PSMA7: variants seen among roughly 807,000 people sequenced by gnomAD.
PSMA7 encodes proteasome subunit alpha type-7.
A neutral mutation model predicts 31.3 loss-of-function variants in PSMA7; 5 were observed. That is an observed-to-expected ratio of 0.16 (90% CI 0.08 to 0.34). PSMA7 has a LOEUF of 0.34. Among genes scored for constraint, PSMA7 ranks in the 10% least tolerant of loss-of-function variants. The pLI is 1.00. For missense variants in PSMA7, 217 were observed against 327.5 expected (o/e 0.66, Z 2.60); for synonymous variants, 155 against 121.9 (o/e 1.27, Z -1.79).
In PSMA7 at chr20:62,139,087, G is replaced by A; in HGVS notation, c.459C>T (p.Tyr153=). Residue 153 remains tyrosine (Y), a synonymous_variant, in exon 4 of 7, where the codon TAC becomes TAT. Coordinates refer to ENST00000370873, the MANE Select transcript of PSMA7 (RefSeq NM_002792.4). ...RLYQTDPSGT[Y]HAWKANAIGR... is the part of the protein sequence containing the mutation. The stretch of plus-strand genomic sequence containing the variant: ...GTCACGAACTCACCTTCCAGGCATG[G>A]TATGTGCCCGAGGGGTCAGTCTGAT... 2 of 1,614,054 alleles carry A rather than the reference G, an allele frequency of 1.2e-6. No homozygotes were observed. Among genetic ancestry groups the A allele is most frequent in the South Asian group, 2.2e-5 (2 of 91,086 alleles).
Position 62,138,282 on chromosome 20 carries a change from G to C in PSMA7, c.480C>G (p.Ala160=), listed in dbSNP as rs376408302. The change falls in exon 5 of 7, where the codon GCC becomes GCG. Residue 160 remains alanine (A), a synonymous_variant. Coordinates refer to ENST00000370873, the MANE Select transcript of PSMA7 (RefSeq NM_002792.4). The part of the protein sequence containing the change: ...SGTYHAWKAN[A]IGRGAKSVRE... Reference sequence around the variant, plus strand: ...GCACTGACTTGGCACCCCGACCTATGGCATTGGCCTAAAACAGACACGTAT... The same window carrying C: ...GCACTGACTTGGCACCCCGACCTATCGCATTGGCCTAAAACAGACACGTAT... The C allele has an allele frequency of 2.7e-5, 43 of 1,608,556 alleles. No individual in the cohort carries two copies. Among genetic ancestry groups the C allele is most frequent in the Non-Finnish European group, 3.6e-5 (42 of 1,176,818 alleles).
In PSMA7 at chr20:62,138,160, T is replaced by C; in HGVS notation, c.591+11A>G. The C allele has an allele frequency of 6.2e-7, 1 of 1,614,164 alleles. No homozygotes were observed. The highest frequency in any genetic ancestry group is 8.5e-7 in the Non-Finnish European group (1 of 1,179,962). On this transcript the variant is annotated intron_variant, in intron 5 of 6. Transcript: ENST00000370873. Reference sequence around the variant, plus strand: ...TTCACCACCTTGCCTGGATTCCAAATGCAAACTTACTTCCAGGAGTGCCTT... The same window carrying C: ...TTCACCACCTTGCCTGGATTCCAAACGCAAACTTACTTCCAGGAGTGCCTT...
rs868755490 is a variant in PSMA7, at chr20:62,138,201, G to C, written c.561C>G (p.Thr187=). Residue 187 remains threonine, a synonymous_variant, in exon 5 of 7, where the codon ACC becomes ACG. Coordinates refer to ENST00000370873, the MANE Select transcript of PSMA7 (RefSeq NM_002792.4). ...TDEAIETDDL[T]IKLVIKALLE... ...GGAGTGCCTTGATCACCAGCTTAAT[G>C]GTCAGATCATCTGTTTCAATGGCTT... is the stretch of plus-strand genomic sequence containing the variant. 4 of 1,614,078 alleles carry C rather than the reference G, an allele frequency of 2.5e-6. No homozygotes were observed. Among genetic ancestry groups the C allele is most frequent in the Non-Finnish European group, 3.4e-6 (4 of 1,180,022 alleles).
At chr20:62,137,746 T>C (rs2056904007) in intron 5 of PSMA7, among the ~76,000 whole-genome samples, 1 of 152,214 alleles carries the variant, frequency 6.6e-6, no homozygotes, top group Non-Finnish European at 1.5e-5. Context: ...TTCCAGCTAG[T>C]CCCTCTCTGG....
intron 6 of PSMA7, 26 bp from the exon 7 acceptor site, chr20:62,136,975 C>G: frequency 6.3e-7 from 1 of 1,593,408 alleles, no homozygotes; most frequent in South Asian, 1.2e-5. Context: ...TCATGGTTAC[C>G]TAAGCCACAC....
At chr20:62,141,967 G>A (rs994358777) in intron 1 of PSMA7, among the ~76,000 whole-genome samples, 1 of 152,196 alleles carries the variant, frequency 6.6e-6, no homozygotes, top group Non-Finnish European at 1.5e-5. Context: ...CCTGGGCAGG[G>A]GGATCTCCCT....
chr20:62,139,661 A>T (rs921140157), intron 3 of PSMA7, 120 bp downstream of exon 3: 22 of 1,526,248 alleles, frequency 1.4e-5, no homozygotes, highest in Non-Finnish European at 2.0e-5. Context: ...CAAGATTAGG[A>T]TCACGCCCCA....
chr20:62,137,294 C>T, intron 6 of PSMA7, 70 bp downstream of exon 6: 1 of 1,485,956 alleles, frequency 6.7e-7, no homozygotes, highest in East Asian at 2.3e-5. Flanking sequence ...TCCTTCGGAA[C>T]TGGTACTGCT....
intron 4 of PSMA7, among the ~76,000 whole-genome samples, chr20:62,138,658 G>A (rs768363376): frequency 2.0e-5 from 3 of 150,896 alleles, no homozygotes; most frequent in South Asian, 2.1e-4. Context: ...GGGTTCAAGC[G>A]ATTTTCCTGC....
rs1223866084 is a variant in PSMA7 at position 62,136,967 on chromosome 20, A to G, written c.655-18T>C. 8.1e-6 allele frequency: 13 copies of G among 1,595,538 alleles called. No homozygotes were observed. In the Admixed American group the frequency reaches 9.1e-5, roughly 11 times the overall value. ...TTTAAAATCTATAGAAAAAAACTTC[A>G]TGGTTACCTAAGCCACACAAGGTGC... On this transcript the variant is annotated intron_variant, in intron 6 of 6. Coordinates refer to ENST00000370873, the MANE Select transcript of PSMA7 (RefSeq NM_002792.4).
intron 5 of PSMA7, 78 bp from the exon 6 acceptor site, chr20:62,137,504 T>G: frequency 7.2e-7 from 1 of 1,384,686 alleles, no homozygotes; most frequent in Non-Finnish European, 1.0e-6. Context: ...GTACCTTAAA[T>G]AGGTGTGTAC....
At chr20:62,140,358 C>A (rs879877052) in intron 2 of PSMA7, among the ~76,000 whole-genome samples, 1 of 152,190 alleles carries the variant, frequency 6.6e-6, no homozygotes, top group Non-Finnish European at 1.5e-5. Context: ...GAATTGAGAT[C>A]TTCCTAGATT....
chr20:62,138,842 G>A (rs2056910481), intron 4 of PSMA7, among the ~76,000 whole-genome samples: 1 of 152,172 alleles, frequency 6.6e-6, no homozygotes, highest in Non-Finnish European at 1.5e-5. Flanking sequence ...ACAGGCGTGA[G>A]TCACCACGCC....
chr20:62,140,067 CA>C (rs1487793354), intron 2 of PSMA7, among the ~76,000 whole-genome samples, 162 bp from the exon 3 acceptor site: 2 of 152,162 alleles, frequency 1.3e-5, no homozygotes, highest in Non-Finnish European at 2.9e-5. Flanking sequence ...TGGGAACTTC[CA>C]GGAAATTGGG....
chr20:62,137,225 G>A, intron 6 of PSMA7, 139 bp downstream of exon 6: 2 of 977,468 alleles, frequency 2.0e-6, no homozygotes, highest in Admixed American at 2.2e-5. Flanking sequence ...TTTGACGTAT[G>A]GGGAGCCTCA....
Position 62,139,075 on chromosome 20 carries a change from C to T in PSMA7, c.471G>A (p.Lys157=). The T allele has an allele frequency of 6.2e-7, 1 of 1,613,732 alleles. No homozygotes were observed. Among genetic ancestry groups the T allele is most frequent in the African/African-American group, 1.3e-5 (1 of 75,036 alleles). The change falls in exon 4 of 7, where the codon AAG becomes AAA. Residue 157 remains lysine (K), a splice_region_variant and synonymous_variant. Coordinates refer to ENST00000370873, the MANE Select transcript of PSMA7 (RefSeq NM_002792.4). ...TDPSGTYHAW[K]ANAIGRGAKS... The stretch of plus-strand genomic sequence containing the variant: ...CAAAGCCCCTTTGTCACGAACTCAC[C>T]TTCCAGGCATGGTATGTGCCCGAGG...
At position 62,136,930 on chromosome 20, in the gene PSMA7, A is replaced by G. The variant is rs766193014; in HGVS notation, c.674T>C (p.Ile225Thr). The G allele has an allele frequency of 6.2e-7, 1 of 1,600,842 alleles. No homozygotes were observed. Among genetic ancestry groups the G allele is most frequent in the African/African-American group, 1.4e-5 (1 of 73,986 alleles). ...QSLKILNPEE[I>T]EKYVAEIEKE... ...TTCAATTTCAGCAACATACTTCTCA[A>G]TTTCTTCAGGATTTAAAATCTATAG... Residue 225 changes from isoleucine (I) to threonine (T), a missense_variant, in exon 7 of 7, where the codon ATT becomes ACT. This residue lies in a region of PSMA7 where 88 missense variants were observed against 111.6 expected (regional missense o/e 0.79). Transcript: ENST00000370873.
rs758611602 is a variant in PSMA7, at chr20:62,136,968, T to C, written c.655-19A>G. 3.8e-6 allele frequency: 6 copies of C among 1,595,806 alleles called. No homozygotes were observed. Among genetic ancestry groups the C allele is most frequent in the South Asian group, 1.2e-5 (1 of 86,422 alleles). On this transcript the variant is annotated intron_variant, in intron 6 of 6. Coordinates refer to ENST00000370873, the MANE Select transcript of PSMA7 (RefSeq NM_002792.4). ...TTAAAATCTATAGAAAAAAACTTCA[T>C]GGTTACCTAAGCCACACAAGGTGCC...
chr20:62,139,152 G>A lies in PSMA7; in HGVS notation c.394C>T (p.Leu132Phe). The A allele has an allele frequency of 1.9e-6, 3 of 1,614,186 alleles. No homozygotes were observed. The highest frequency in any genetic ancestry group is 2.5e-6 in the Non-Finnish European group (3 of 1,180,014). ...NGRRPFGISA[L>F]IVGFDFDGTP... ...CCATCAAAGTCGAAACCCACGATGA[G>A]GGCAGAGATGCCAAACGGCCTGCGC... Residue 132 changes from leucine (L) to phenylalanine (F), a missense_variant, in exon 4 of 7, where the codon CTC becomes TTC. By Grantham distance (22) the Leu-to-Phe change is conservative (BLOSUM62 0). Around this residue, in one of 3 missense-constraint regions of PSMA7, gnomAD observed 53 missense variants for 119.4 expected, o/e 0.44. Coordinates refer to ENST00000370873, the MANE Select transcript of PSMA7 (RefSeq NM_002792.4).
Sources: allele counts gnomAD v4.1 joint callset (sites outside exome capture counted in the v4.1 genomes callset), GRCh38; gene constraint gnomAD v4.1.1; regional missense constraint gnomAD v4.1.1; transcripts MANE v1.5; gene names NCBI Gene and HGNC (gene_info 2026-07-23, HGNC 2026-07-21).